THAP6: variants seen among roughly 807,000 people sequenced by gnomAD.
THAP6 encodes the protein THAP domain-containing protein 6.
A neutral mutation model predicts 20.0 loss-of-function variants in THAP6; 13 were observed. The ratio of observed to expected loss-of-function variants is 0.65; its 90% CI spans 0.42 to 1.03. The LOEUF is 1.03. THAP6 is among the 50% of genes least tolerant of loss of function. THAP6 has a pLI of 0.00. For synonymous variants in THAP6, 93 were observed against 92.2 expected, an observed-to-expected ratio of 1.01 and a Z score of -0.05; for missense variants, 262 against 261.6, an observed-to-expected ratio of 1.00 and a Z score of -0.01.
chr4:75,539,568 G>A (rs1726951504), intron 2 of THAP6, among the ~76,000 whole-genome samples: 2 of 152,214 alleles, frequency 1.3e-5, no homozygotes, highest in African/African-American at 4.8e-5. Flanking sequence ...CACTTTGAAA[G>A]TGCTGTCCCA....
At chr4:75,532,966 T>A (rs1461316245), downstream of THAP6, among the ~76,000 whole-genome samples, 2 of 152,180 alleles carry the variant, frequency 1.3e-5, no homozygotes, top group African/African-American at 4.8e-5. Context: ...CCTGGAGACA[T>A]TTTCCCCATT....
chr4:75,520,538 A>T (rs1211753534), intron 3 of THAP6, among the ~76,000 whole-genome samples: 2 of 152,208 alleles, frequency 1.3e-5, no homozygotes, highest in Non-Finnish European at 2.9e-5. Flanking sequence ...GATCCTACAT[A>T]TGAACAATAG....
Position 75,527,297 on chromosome 4 carries a change from C to T in THAP6, c.*83C>T. On this transcript the variant is annotated 3_prime_UTR_variant, in exon 5 of 5. Coordinates refer to ENST00000311638, the MANE Select transcript of THAP6 (RefSeq NM_144721.6). ...CTCATTTACCATCACTAAATAATAT[C>T]CATCATTTAAAGTGCTGCTTTGGAT... The T allele has an allele frequency of 2.0e-6, 3 of 1,535,112 alleles. No individual in the cohort carries two copies. The highest frequency in any genetic ancestry group is 1.8e-6 in the Non-Finnish European group (2 of 1,142,800).
At chr4:75,525,308 C>A (rs566895983) in intron 4 of THAP6, among the ~76,000 whole-genome samples, 112 of 152,120 alleles carry the variant, frequency 7.4e-4, no homozygotes, top group Admixed American at 3.9e-4. Flanking sequence ...GTTACTGATG[C>A]TTTATTTTTT....
intron 4 of THAP6, among the ~76,000 whole-genome samples, chr4:75,525,632 A>G (rs1726316395): frequency 6.6e-6 from 1 of 152,018 alleles, no homozygotes; most frequent in South Asian, 2.1e-4. Context: ...TTTCCTGCTT[A>G]TTTGCATGCC....
At chr4:75,547,072 A>G (rs992725701) in intron 3 of THAP6, among the ~76,000 whole-genome samples, 3 of 152,094 alleles carry the variant, frequency 2.0e-5, no homozygotes, top group Non-Finnish European at 4.4e-5. Context: ...GGGTAAAGCC[A>G]CCTCCTGCCC....
downstream of THAP6, among the ~76,000 whole-genome samples, chr4:75,533,809 C>T (rs960723624): frequency 1.3e-5 from 2 of 151,954 alleles, no homozygotes; most frequent in African/African-American, 2.4e-5. Flanking sequence ...ATGTGCACAA[C>T]ATGCAGGTTC....
chr4:75,530,028 G>A (rs1726627653), downstream of THAP6: 3 of 971,650 alleles, frequency 3.1e-6, no homozygotes, highest in African/African-American at 3.5e-5. Flanking sequence ...ATCCAGTAAT[G>A]TGTTATGTGG....
chr4:75,522,005 G>T, intron 4 of THAP6, 144 bp downstream of exon 4: 1 of 989,946 alleles, frequency 1.0e-6, no homozygotes, highest in Non-Finnish European at 1.5e-6. Context: ...TAGAGTCATT[G>T]TAATTTATAT....
downstream of THAP6, among the ~76,000 whole-genome samples, chr4:75,530,721 A>G (rs1224538399): frequency 1.3e-5 from 2 of 152,136 alleles, no homozygotes; most frequent in Admixed American, 1.3e-4. Context: ...TTTAATAGGG[A>G]TGGAAAACCA....
chr4:75,529,952 AATT>A lies in THAP6; in HGVS notation c.*2743_*2745del. On this transcript the variant is annotated 3_prime_UTR_variant, in exon 5 of 5. Coordinates refer to ENST00000311638, the MANE Select transcript of THAP6 (RefSeq NM_144721.6). ...ATATTTAGTTTTAATAAAAAGATAA[AATT>A]ATTACAGAAATAATTGAGAGAGAGA... 3 of 877,772 alleles carry A rather than the reference AATT, an allele frequency of 3.4e-6. No individual in the cohort carries two copies. Among genetic ancestry groups the A allele is most frequent in the Non-Finnish European group, 4.1e-6 (3 of 731,846 alleles). The allele number at this position is 877,772 out of a possible 1,614,324, so 54.4% of individuals were successfully genotyped here.
chr4:75,538,357 C>G (rs1726921577), intron 2 of THAP6, among the ~76,000 whole-genome samples: 1 of 151,502 alleles, frequency 6.6e-6, no homozygotes, highest in South Asian at 2.1e-4. Context: ...AACTAGGAAG[C>G]CCTGTGTTTC....
intron 3 of THAP6, chr4:75,543,026 C>G (rs1215063023): frequency 1.3e-5 from 2 of 152,696 alleles, no homozygotes; most frequent in Non-Finnish European, 2.9e-5. Flanking sequence ...ACAGGCAAAA[C>G]ATTCAAATAT....
chr4:75,521,691 A>C (rs979176634), intron 3 of THAP6, 45 bp from the exon 4 acceptor site: 2 of 1,525,590 alleles, frequency 1.3e-6, no homozygotes, highest in Non-Finnish European at 1.8e-6. Context: ...TTAAGAAAGA[A>C]CAAAAGTATC....
chr4:75,526,790 C>T (rs973138670), intron 4 of THAP6, among the ~76,000 whole-genome samples, 170 bp from the exon 5 acceptor site: 5 of 152,130 alleles, frequency 3.3e-5, no homozygotes, highest in Non-Finnish European at 5.9e-5. Context: ...CCCTTAGCAC[C>T]CTAAATATTG....
chr4:75,521,718 A>ATTT lies in THAP6; in HGVS notation c.289-16_289-15insTTT, dbSNP rs1325248438. On this transcript the variant is annotated splice_polypyrimidine_tract_variant and intron_variant, in intron 3 of 4. Transcript: ENST00000311638. The stretch of plus-strand genomic sequence containing the variant: ...AAAAGTATCTCACTTGATGATTATT[A>ATTT]TTAACTACTCTTAACAGGGGAAAAG... The ATTT allele has an allele frequency of 6.3e-7, 1 of 1,584,186 alleles. No homozygotes were observed. The highest frequency in any genetic ancestry group is 1.8e-5 in the Admixed American group (1 of 55,096).
Position 75,542,364 on chromosome 4 carries a change from G to A in THAP6, c.166-45G>A, listed in dbSNP as rs538661933. ...ATTGCATGCTCTAATAGAGCTGATC[G>A]CAATTTTCATAAATCCTCGTATTTC... On this transcript the variant is annotated intron_variant, in intron 2 of 4. Transcript: ENST00000502620. The A allele has an allele frequency of 9.6e-5, 67 of 696,290 alleles. 1 individual carries two copies. The highest frequency in any genetic ancestry group is 7.5e-4 in the South Asian group (50 of 66,706). 43.1% of individuals were successfully genotyped at this position (696,290 alleles called of 1,614,324 possible). A position where few individuals can be genotyped will look rare whatever the true frequency, so the allele number is the denominator to read the frequency against.
In THAP6 at chr4:75,514,525, T is replaced by C. The variant is rs1429765558; in HGVS notation, c.-21+5T>C. 1 of 497,650 alleles carries C rather than the reference T, an allele frequency of 2.0e-6. No individual in the cohort carries two copies. Among genetic ancestry groups the C allele is most frequent in the Admixed American group, 3.2e-5 (1 of 31,556 alleles). The allele number at this position is 497,650 out of a possible 1,614,324, so 30.8% of individuals were successfully genotyped here. ...TCGCAGTCTTCGCTGCTAACGGTAA[T>C]AACTCTTAGGTTGCCTGTTTTCCCC... On this transcript the variant is annotated splice_donor_5th_base_variant and intron_variant, in intron 1 of 4. Transcript: ENST00000311638.
intron 2 of THAP6, among the ~76,000 whole-genome samples, chr4:75,535,354 T>C (rs1726821483): frequency 6.6e-6 from 1 of 152,192 alleles, no homozygotes; most frequent in African/African-American, 2.4e-5. Context: ...GGGCATGCCA[T>C]CCAGCAAGGC....
Sources: allele counts gnomAD v4.1 joint callset (sites outside exome capture counted in the v4.1 genomes callset), GRCh38; gene constraint gnomAD v4.1.1; transcripts MANE v1.5; gene names NCBI Gene and HGNC (gene_info 2026-07-23, HGNC 2026-07-21).